The following CREB5 variants were observed in gnomAD, a reference collection of about 807,000 sequenced individuals.
CREB5 encodes the protein cyclic AMP-responsive element-binding protein 5.
Under a neutral mutation model 57.1 loss-of-function variants are expected in CREB5, and 19 were observed. The ratio of observed to expected loss-of-function variants is 0.33; its 90% CI spans 0.23 to 0.49. CREB5 has a LOEUF of 0.49. CREB5 is among the 20% of genes least tolerant of loss of function. The probability of loss-of-function intolerance (pLI) is 0.99; values close to 1 mark genes in which losing one functional copy is unlikely to be tolerated. For missense variants in CREB5, 579 were observed against 671.6 expected, an observed-to-expected ratio of 0.86 and a Z score of 1.52; for synonymous variants, 238 against 238.3, an observed-to-expected ratio of 1.00 and a Z score of 0.01.
intron 2 of CREB5, among the ~76,000 whole-genome samples, chr7:28,489,018 A>G (rs970765254): frequency 3.9e-5 from 6 of 152,206 alleles, no homozygotes; most frequent in Non-Finnish European, 8.8e-5. Flanking sequence ...TTACCTTTGG[A>G]AGGTGACAGT....
At chr7:28,628,703 C>T (rs1433618131) in intron 5 of CREB5, among the ~76,000 whole-genome samples, 1 of 152,108 alleles carries the variant, frequency 6.6e-6, no homozygotes, top group Non-Finnish European at 1.5e-5. Flanking sequence ...AGACAATATG[C>T]TGCATGTTAT....
chr7:28,524,791 T>C (rs1302893992), intron 4 of CREB5, among the ~76,000 whole-genome samples: 1 of 152,242 alleles, frequency 6.6e-6, no homozygotes, highest in Non-Finnish European at 1.5e-5. Flanking sequence ...CAAGTAGGGT[T>C]ATTTAGGCTA....
In CREB5 at chr7:28,507,824, T is replaced by C. The variant is rs1792546287; in HGVS notation, c.291+87T>C. The C allele has an allele frequency of 4.3e-6, 6 of 1,384,626 alleles. No individual in the cohort carries two copies. The South Asian group carries it at 7.8e-5, about 18-fold the overall frequency. 85.8% of individuals were successfully genotyped at this position (1,384,626 alleles called of 1,614,324 possible). A position where few individuals can be genotyped will look rare whatever the true frequency, so the allele number is the denominator to read the frequency against. Reference sequence around the variant, plus strand: ...AGGTGGCACTGCACTGCAGATTGTGTTGATGTGGCCTTGAAGTATTTTAGC... The same window carrying C: ...AGGTGGCACTGCACTGCAGATTGTGCTGATGTGGCCTTGAAGTATTTTAGC... On this transcript the variant is annotated intron_variant, in intron 4 of 10. Coordinates refer to ENST00000357727, the MANE Select transcript of CREB5 (RefSeq NM_182898.4).
In CREB5 at chr7:28,823,599, T is replaced by C. The variant is rs999855605; in HGVS notation, c.*4320T>C. ...GAACAGTTTTTTTTAAACATTTATTTCTGTGTGTTCATTTTTAAAGTAAGC... is the reference window on the plus strand; with the variant it reads ...GAACAGTTTTTTTTAAACATTTATTCCTGTGTGTTCATTTTTAAAGTAAGC... On this transcript the variant is annotated 3_prime_UTR_variant, in exon 11 of 11. Transcript: ENST00000357727. The C allele has an allele frequency of 6.6e-6, 1 of 152,586 alleles. No homozygotes were observed. The allele number at this position is 152,586 out of a possible 1,614,324, so 9.5% of individuals were successfully genotyped here.
intron 5 of CREB5, among the ~76,000 whole-genome samples, chr7:28,619,905 A>C (rs1797732636): frequency 6.6e-6 from 1 of 152,162 alleles, no homozygotes; most frequent in African/African-American, 2.4e-5. Context: ...GGGTGTATTA[A>C]GGAAGAGGCA....
rs138389520 is a variant in CREB5, at chr7:28,388,884, C to T, written c.-25+89443C>T. ...ATAAGATGAGATTAAATCATTGTCACAAGGTCATTTGATATATTACAGCTG... is the reference window on the plus strand; with the variant it reads ...ATAAGATGAGATTAAATCATTGTCATAAGGTCATTTGATATATTACAGCTG... On this transcript the variant is annotated intron_variant, in intron 1 of 9. Transcript: ENST00000396299. Among the ~76,000 whole-genome samples the T allele has an allele frequency of 2.0e-5, 3 of 152,292 alleles. No individual in the cohort carries two copies. The East Asian group carries it at 5.8e-4, about 29-fold the overall frequency.
intron 5 of CREB5, among the ~76,000 whole-genome samples, chr7:28,691,909 C>T (rs1480916191): frequency 4.0e-5 from 6 of 150,460 alleles, no homozygotes; most frequent in Non-Finnish European, 7.4e-5. Flanking sequence ...TGGCTCACAC[C>T]TGTAATCCCA....
At chr7:28,339,353 G>A (rs1785888355) in intron 1 of CREB5, among the ~76,000 whole-genome samples, 1 of 152,164 alleles carries the variant, frequency 6.6e-6, no homozygotes, top group Non-Finnish European at 1.5e-5. Context: ...GGACACTCAA[G>A]CCCAGTAACA....
At chr7:28,427,307 A>G (rs1361991666) in intron 1 of CREB5, among the ~76,000 whole-genome samples, 1 of 152,204 alleles carries the variant, frequency 6.6e-6, no homozygotes, top group African/African-American at 2.4e-5. Flanking sequence ...ATGTCGCTAC[A>G]TAGTTTTCAA....
At chr7:28,337,044 G>T (rs1236495852) in intron 1 of CREB5, among the ~76,000 whole-genome samples, 1 of 151,936 alleles carries the variant, frequency 6.6e-6, no homozygotes, top group Non-Finnish European at 1.5e-5. Context: ...TTATTCCATT[G>T]TGGTCAGAGA....
rs1809800149 is a variant in CREB5, at chr7:28,822,069, T to C, written c.*2790T>C. 1 of 152,468 alleles carries C rather than the reference T, an allele frequency of 6.6e-6. No homozygotes were observed. Among genetic ancestry groups the C allele is most frequent in the South Asian group, 2.1e-4 (1 of 4,838 alleles). 9.4% of individuals were successfully genotyped at this position (152,468 alleles called of 1,614,324 possible). A position where few individuals can be genotyped will look rare whatever the true frequency, so the allele number is the denominator to read the frequency against. ...TTCAGCAACTTGACAGTTTGACTGA[T>C]GTGCATTATATATAGCTCAATTATG... On this transcript the variant is annotated 3_prime_UTR_variant, in exon 11 of 11. Coordinates refer to ENST00000357727, the MANE Select transcript of CREB5 (RefSeq NM_182898.4).
chr7:28,773,094 C>A (rs1806417730), intron 7 of CREB5, among the ~76,000 whole-genome samples: 2 of 152,068 alleles, frequency 1.3e-5, no homozygotes, highest in African/African-American at 4.8e-5. Flanking sequence ...CTTTAAGCGC[C>A]CATTCAGCAT....
chr7:28,629,312 C>T (rs1398070954), intron 5 of CREB5, among the ~76,000 whole-genome samples: 2 of 152,206 alleles, frequency 1.3e-5, no homozygotes, highest in African/African-American at 4.8e-5. Flanking sequence ...TAATTTATTA[C>T]CCAGTCCTCC....
chr7:28,687,939 C>T (rs1460536163), intron 5 of CREB5, among the ~76,000 whole-genome samples: 1 of 152,158 alleles, frequency 6.6e-6, no homozygotes, highest in Non-Finnish European at 1.5e-5. Flanking sequence ...GAAGCTCCTC[C>T]CCGCATGGGG....
chr7:28,550,469 A>G (rs1188629676), intron 4 of CREB5, among the ~76,000 whole-genome samples: 7 of 152,208 alleles, frequency 4.6e-5, no homozygotes, highest in African/African-American at 1.7e-4. Context: ...CAAAATGGCC[A>G]CCATTGCCAA....
intron 7 of CREB5, among the ~76,000 whole-genome samples, chr7:28,747,627 C>G (rs1427223938): frequency 6.6e-6 from 1 of 152,172 alleles, no homozygotes; most frequent in Non-Finnish European, 1.5e-5. Flanking sequence ...TGAAGCCAGA[C>G]AGCAGGCAAA....
intron 4 of CREB5, among the ~76,000 whole-genome samples, chr7:28,561,045 A>C (rs144662266): frequency 2.0e-4 from 26 of 127,232 alleles, no homozygotes; most frequent in African/African-American, 7.4e-4. Context: ...TGTGTGTGTG[A>C]AGGTATTTTT....
chr7:28,448,966 G>A (rs1789643073), intron 1 of CREB5, among the ~76,000 whole-genome samples: 1 of 152,166 alleles, frequency 6.6e-6, no homozygotes, highest in African/African-American at 2.4e-5. Flanking sequence ...CACACACCTA[G>A]ACTTGATGAG....
chr7:28,693,079 C>G (rs924065944), intron 5 of CREB5, among the ~76,000 whole-genome samples: 1 of 152,154 alleles, frequency 6.6e-6, no homozygotes, highest in African/African-American at 2.4e-5. Flanking sequence ...ACCCATCTAG[C>G]TAGCAACAAA....
Sources: gnomAD v4.1 joint callset for allele counts (sites outside exome capture counted in the v4.1 genomes callset) on GRCh38, gnomAD v4.1.1 for gene constraint, MANE v1.5 for transcripts, NCBI Gene and HGNC (gene_info 2026-07-23, HGNC 2026-07-21) for gene names.